Variants in MAGED1 observed in about 807,000 individuals in gnomAD.
The protein encoded by MAGED1 is MAGE family member D1.
A neutral mutation model predicts 54.1 loss-of-function variants in MAGED1; 3 were observed. The observed-to-expected ratio is 0.06, with a 90% CI of 0.03 to 0.14. The LOEUF (loss-of-function observed/expected upper bound fraction) is 0.14. Ranked by LOEUF, MAGED1 falls within the 10% of genes least tolerant of loss-of-function variation. MAGED1 has a pLI of 1.00. For missense variants in MAGED1, 485 were observed against 623.4 expected (o/e 0.78, Z 2.36); for synonymous variants, 217 against 227.3 (o/e 0.95, Z 0.41).
intron 1 of MAGED1, among the ~76,000 whole-genome samples, chrX:51,842,449 T>C (rs1801488929): frequency 9.0e-6 from 1 of 111,354 alleles, no homozygotes; most frequent in South Asian, 3.8e-4. Context: ...GCATATCTTC[T>C]TTATGTAAAA....
At chrX:51,828,964 T>G (rs192938670) in intron 1 of MAGED1, among the ~76,000 whole-genome samples, 2 of 111,390 alleles carry the variant, frequency 1.8e-5, no homozygotes, top group African/African-American at 6.5e-5. Context: ...TTTGAACTAT[T>G]GCATTTCACG....
chrX:51,843,881 A>G (rs1385440704), intron 1 of MAGED1, among the ~76,000 whole-genome samples: 2 of 111,669 alleles, frequency 1.8e-5, no homozygotes, highest in Admixed American at 1.9e-4. Context: ...GAAAAAGCCT[A>G]TATTTCTTTG....
chrX:51,862,215 A>G (rs1013616277), intron 1 of MAGED1, among the ~76,000 whole-genome samples: 4 of 111,081 alleles, frequency 3.6e-5, no homozygotes, highest in Non-Finnish European at 7.5e-5. Flanking sequence ...ATGTTTTTGT[A>G]CTTGGACTCT....
intron 1 of MAGED1, among the ~76,000 whole-genome samples, chrX:51,836,302 T>C (rs1926246668): frequency 9.0e-6 from 1 of 111,055 alleles, no homozygotes; most frequent in Admixed American, 9.6e-5. Flanking sequence ...ATGCTAGATA[T>C]TTTTATATAA....
chrX:51,832,877 C>A (rs184462677), intron 1 of MAGED1, among the ~76,000 whole-genome samples: 18 of 111,514 alleles, frequency 1.6e-4, no homozygotes, highest in African/African-American at 3.9e-4. Context: ...AGGTTCTTAG[C>A]ATCTCAGTGT....
chrX:51,885,460 T>C (rs1162552829), intron 1 of MAGED1, among the ~76,000 whole-genome samples: 2 of 111,687 alleles, frequency 1.8e-5, no homozygotes, highest in African/African-American at 6.5e-5. Flanking sequence ...TATTGAGTTA[T>C]TGGAGTTCCT....
intron 1 of MAGED1, among the ~76,000 whole-genome samples, chrX:51,884,607 A>T (rs182559478): frequency 1.5e-4 from 17 of 112,181 alleles, no homozygotes; most frequent in African/African-American, 5.5e-4. Context: ...TCCAGAAAAT[A>T]AGAGGAAACA....
chrX:51,897,298 G>A (rs1557364434), intron 5 of MAGED1, 27 bp downstream of exon 5: 1 of 1,179,186 alleles, frequency 8.5e-7, no homozygotes, highest in Non-Finnish European at 1.2e-6. Context: ...CCCTCCCCAA[G>A]CTCTGCCCTT....
intron 1 of MAGED1, among the ~76,000 whole-genome samples, chrX:51,881,268 TCA>T (rs1335614952): frequency 2.7e-5 from 3 of 111,008 alleles, no homozygotes; most frequent in Non-Finnish European, 5.7e-5. Flanking sequence ...TCCAATACAG[TCA>T]CACTGAGGAT....
intron 1 of MAGED1, among the ~76,000 whole-genome samples, chrX:51,838,088 G>A (rs782542897): frequency 3.6e-5 from 4 of 112,217 alleles, no homozygotes; most frequent in Non-Finnish European, 5.6e-5. Flanking sequence ...TTCAAGTTAC[G>A]TGATTCCTGC....
chrX:51,810,496 CTTA>C (rs1204470874), intron 1 of MAGED1, among the ~76,000 whole-genome samples: 1 of 112,049 alleles, frequency 8.9e-6, no homozygotes, highest in Admixed American at 9.5e-5. Context: ...TTATAGAATG[CTTA>C]CTATCATGTA....
chrX:51,835,764 T>C lies in MAGED1; in HGVS notation c.-37+32647T>C, dbSNP rs1926223574. ...TGGCTAAGAATTTTAGCTGCCTTCC[T>C]CTCCCGGGACTCTGAGCTTCATCTC... On this transcript the variant is annotated intron_variant, in intron 1 of 12. Transcript: ENST00000375772. Among the ~76,000 whole-genome samples, 3 of 111,533 alleles carry C rather than the reference T, an allele frequency of 2.7e-5. No individual in the cohort carries two copies. The South Asian group carries it at 1.1e-3, about 42-fold the overall frequency.
chrX:51,874,127 A>G lies in MAGED1; in HGVS notation c.-36-20142A>G, dbSNP rs782398313. ...AAAATCACGATGGTGCTAGATACAG[A>G]TGGGATATGACTGGCAGAGTTTGAG... On this transcript the variant is annotated intron_variant, in intron 1 of 12. Coordinates refer to the MAGED1 transcript ENST00000375772. 2.7e-5 allele frequency among the ~76,000 whole-genome samples: 3 copies of G among 111,563 alleles called. No homozygotes were observed. In the South Asian group the frequency reaches 1.2e-3, roughly 43 times the overall value.
At chrX:51,844,795 T>C (rs1557359107) in intron 1 of MAGED1, among the ~76,000 whole-genome samples, 1 of 111,631 alleles carries the variant, frequency 9.0e-6, no homozygotes, top group Non-Finnish European at 1.9e-5. Context: ...TACTGAGACA[T>C]ACACAAGAGA....
chrX:51,835,068 T>C (rs961735304), intron 1 of MAGED1, among the ~76,000 whole-genome samples: 1 of 111,956 alleles, frequency 8.9e-6, no homozygotes, highest in Non-Finnish European at 1.9e-5. Context: ...TATTATTTCT[T>C]TTTTAAATGT....
intron 1 of MAGED1, among the ~76,000 whole-genome samples, chrX:51,840,667 G>A (rs1372419056): frequency 9.4e-6 from 1 of 106,618 alleles, no homozygotes; most frequent in African/African-American, 3.4e-5. Flanking sequence ...TCCCACCTAT[G>A]AGTGAGAACA....
At chrX:51,866,430 A>G (rs1927464285) in intron 1 of MAGED1, among the ~76,000 whole-genome samples, 2 of 111,776 alleles carry the variant, frequency 1.8e-5, no homozygotes, top group East Asian at 2.8e-4. Flanking sequence ...AAAAGTTGCC[A>G]TTTCTTTAGA....
At chrX:51,864,171 TGAGAGA>T (rs781864704) in intron 1 of MAGED1, among the ~76,000 whole-genome samples, 30 of 100,263 alleles carry the variant, frequency 3.0e-4, no homozygotes, top group Middle Eastern at 5.4e-3. Flanking sequence ...TTGAGGGGTG[TGAGAGA>T]GAGAGAGAGA....
chrX:51,837,524 T>C (rs1926298201), intron 1 of MAGED1, among the ~76,000 whole-genome samples: 1 of 112,282 alleles, frequency 8.9e-6, no homozygotes, highest in South Asian at 3.7e-4. Context: ...CAATGAAGCC[T>C]TTGTGCTCTT....
Sources: allele counts gnomAD v4.1 joint callset (sites outside exome capture counted in the v4.1 genomes callset), GRCh38; gene constraint gnomAD v4.1.1; transcripts MANE v1.5; gene names NCBI Gene and HGNC (gene_info 2026-07-23, HGNC 2026-07-21).